DYNC2H1: variants seen among roughly 807,000 people sequenced by gnomAD.
DYNC2H1 encodes the protein cytoplasmic dynein 2 heavy chain 1.
A neutral mutation model predicts 570.0 loss-of-function variants in DYNC2H1; 410 were observed. That is an observed-to-expected ratio of 0.72 (90% CI 0.66 to 0.78). DYNC2H1 has a LOEUF of 0.78. Ranked by LOEUF, DYNC2H1 falls within the 30% of genes least tolerant of loss-of-function variation. The pLI is 0.00. For synonymous variants in DYNC2H1, 1,688 were observed against 1,677.6 expected (o/e 1.01, Z -0.15); for missense variants, 4,865 against 5,046.4 (o/e 0.96, Z 1.09).
rs1865430127 is a variant in DYNC2H1, at chr11:103,264,396, C to G, written c.10695+4419C>G. Among the ~76,000 whole-genome samples the G allele has an allele frequency of 6.6e-6, 1 of 152,030 alleles. No individual in the cohort carries two copies. Among genetic ancestry groups the G allele is most frequent in the Non-Finnish European group, 1.5e-5 (1 of 67,990 alleles). ...ATGATACCACAACGTGGCAGAAACA[C>G]AACAAAAAAAGAAAATTTCAGGCCA... On this transcript the variant is annotated intron_variant, in intron 70 of 88. Transcript: ENST00000375735. The surrounding 1 kb of genome is among the most constrained non-coding windows in gnomAD (Gnocchi z 4.8).
In DYNC2H1 at chr11:103,221,963, A is replaced by G. The variant is rs1220749996; in HGVS notation, c.9108-67A>G. Reference sequence around the variant, plus strand: ...AGTATTGCATACACCATTTTGTTAAACTGATTTTTTTTCAGAAACAGCAAA... The same window carrying G: ...AGTATTGCATACACCATTTTGTTAAGCTGATTTTTTTTCAGAAACAGCAAA... On this transcript the variant is annotated intron_variant, in intron 57 of 88. Coordinates refer to ENST00000375735, the MANE Select transcript of DYNC2H1 (RefSeq NM_001377.3). 1.9e-6 allele frequency: 3 copies of G among 1,557,212 alleles called. No individual in the cohort carries two copies. In the African/African-American group the frequency reaches 4.1e-5, roughly 21 times the overall value.
At chr11:103,130,186 C>A (rs1269106397) in intron 13 of DYNC2H1, among the ~76,000 whole-genome samples, 3 of 152,124 alleles carry the variant, frequency 2.0e-5, no homozygotes, top group Non-Finnish European at 2.9e-5. Context: ...GGGATGGCCA[C>A]GTAGACACTT....
rs1861603381 is a variant in DYNC2H1 at position 103,172,212 on chromosome 11, T to C, written c.5335-870T>C. ...AGTGAGAATTACCTGCCTTCAAGAT[T>C]TAGTTTCTTCTACATTCACTTTTTT... On this transcript the variant is annotated intron_variant, in intron 34 of 88. Transcript: ENST00000375735. Among the ~76,000 whole-genome samples the C allele has an allele frequency of 2.0e-5, 3 of 152,112 alleles. No homozygotes were observed. The South Asian group carries it at 6.2e-4, about 32-fold the overall frequency.
intron 18 of DYNC2H1, among the ~76,000 whole-genome samples, chr11:103,146,967 G>A (rs1418289188): frequency 2.0e-5 from 3 of 152,070 alleles, no homozygotes; most frequent in African/African-American, 7.2e-5. Flanking sequence ...CATCAAAAAT[G>A]TGATTTTTAA....
chr11:103,251,460 A>G (rs1284627185), intron 65 of DYNC2H1, among the ~76,000 whole-genome samples: 1 of 152,158 alleles, frequency 6.6e-6, no homozygotes, highest in South Asian at 2.1e-4. Context: ...TATGAGATAC[A>G]TATATATCAT....
chr11:103,175,581 G>A (rs367820271), intron 36 of DYNC2H1, among the ~76,000 whole-genome samples: 1 of 152,042 alleles, frequency 6.6e-6, no homozygotes, highest in Admixed American at 6.6e-5. Flanking sequence ...CCAATCAGCA[G>A]CTAATATCTG....
chr11:103,141,803 C>T lies in DYNC2H1; in HGVS notation c.2575-1465C>T, dbSNP rs574229606. 3.3e-4 allele frequency among the ~76,000 whole-genome samples: 50 copies of T among 152,324 alleles called. No homozygotes were observed. The South Asian group carries it at 8.5e-3, about 26-fold the overall frequency. On this transcript the variant is annotated intron_variant, in intron 17 of 88. Transcript: ENST00000375735. ...TGTCTTTTTGTTGTCTGTGCCCTGC[C>T]CCCAGAGGTGGAGCCTACAGAGGCA...
intron 70 of DYNC2H1, among the ~76,000 whole-genome samples, chr11:103,263,923 G>T (rs1052687837): frequency 6.6e-6 from 1 of 151,948 alleles, no homozygotes; most frequent in Non-Finnish European, 1.5e-5. Context: ...TCCAGGAGCT[G>T]GTTTTATGAA....
intron 75 of DYNC2H1, among the ~76,000 whole-genome samples, chr11:103,291,373 G>A (rs1188189569): frequency 1.3e-5 from 2 of 152,096 alleles, no homozygotes; most frequent in African/African-American, 4.8e-5. Flanking sequence ...CAAGGCGAAG[G>A]GTTGCTGTGA....
intron 83 of DYNC2H1, among the ~76,000 whole-genome samples, chr11:103,389,967 T>C (rs975554121): frequency 6.6e-6 from 1 of 152,234 alleles, no homozygotes; most frequent in Admixed American, 6.5e-5. Flanking sequence ...GAAGAATGTA[T>C]ATTCTGTTGA....
chr11:103,373,226 T>C (rs1450561598), intron 83 of DYNC2H1, among the ~76,000 whole-genome samples: 2 of 152,138 alleles, frequency 1.3e-5, no homozygotes, highest in Non-Finnish European at 2.9e-5. Flanking sequence ...TGAGTGACCA[T>C]GCCTGACCCC....
At position 103,439,826 on chromosome 11, in the gene DYNC2H1, C is replaced by T. The variant is rs1272710412; in HGVS notation, c.12456+3794C>T. ...GGAATTAACAAATGAATGGACTGGA[C>T]AGATTACTCTCTTTGGGGAACTTAG... is the stretch of plus-strand genomic sequence containing the variant. On this transcript the variant is annotated intron_variant, in intron 85 of 88. Transcript: ENST00000375735. This position sits in a 1 kb window ranked among gnomAD's most constrained non-coding sequence, Gnocchi z 4.1. Among the ~76,000 whole-genome samples, 2 of 152,128 alleles carry T rather than the reference C, an allele frequency of 1.3e-5. No homozygotes were observed. The highest frequency in any genetic ancestry group is 2.4e-5 in the African/African-American group (1 of 41,414).
At chr11:103,311,806 A>C in intron 78 of DYNC2H1, 72 bp from the exon 79 acceptor site, 1 of 1,437,498 alleles carries the variant, frequency 7.0e-7, no homozygotes, top group Admixed American at 2.8e-5. Flanking sequence ...TTATGTTCTT[A>C]AATATGTTAA....
chr11:103,244,742 ATATAC>A lies in DYNC2H1; in HGVS notation c.9919-504_9919-500del, dbSNP rs1864544440. 6.7e-6 allele frequency among the ~76,000 whole-genome samples: 1 copy of A among 148,290 alleles called. No homozygotes were observed. Among genetic ancestry groups the A allele is most frequent in the Admixed American group, 6.8e-5 (1 of 14,740 alleles). On this transcript the variant is annotated intron_variant, in intron 64 of 88. Transcript: ENST00000375735. This position sits in a 1 kb window ranked among gnomAD's most constrained non-coding sequence, Gnocchi z 4.3. ...ATCTTATATACATATAAGTATATAA[ATATAC>A]TATATATATCTATAGTTACAGTTAT... is the stretch of plus-strand genomic sequence containing the variant.
intron 84 of DYNC2H1, chr11:103,403,257 T>C (rs1285431761): frequency 6.6e-6 from 1 of 152,096 alleles, no homozygotes; most frequent in African/African-American, 2.4e-5. Flanking sequence ...TAAATTTTCA[T>C]TCATTTTAAT....
intron 70 of DYNC2H1, 91 bp downstream of exon 70, chr11:103,260,068 TG>T: frequency 1.4e-6 from 1 of 701,104 alleles, no homozygotes; most frequent in Non-Finnish European, 2.2e-6. Flanking sequence ...CTTTCCCTAC[TG>T]GAAAGGTATT....
chr11:103,282,945 T>C, intron 72 of DYNC2H1, 63 bp from the exon 73 acceptor site: 3 of 1,172,776 alleles, frequency 2.6e-6, no homozygotes, highest in Non-Finnish European at 3.7e-6. Context: ...GCTAATCAAT[T>C]GCTATTTTTT....
At chr11:103,113,923 A>G (rs996995565) in intron 2 of DYNC2H1, among the ~76,000 whole-genome samples, 180 bp from the exon 3 acceptor site, 2 of 152,240 alleles carry the variant, frequency 1.3e-5, no homozygotes, top group African/African-American at 4.8e-5. Context: ...CATCAACTCA[A>G]CATTTCTACA....
intron 85 of DYNC2H1, among the ~76,000 whole-genome samples, chr11:103,451,690 C>T (rs2135795602): frequency 6.6e-6 from 1 of 152,112 alleles, no homozygotes; most frequent in South Asian, 2.1e-4. Flanking sequence ...TCACAGTGTA[C>T]CAGTATATAC....
Sources: allele counts gnomAD v4.1 joint callset (sites outside exome capture counted in the v4.1 genomes callset), GRCh38; gene constraint gnomAD v4.1.1; non-coding constraint Gnocchi (gnomAD v3.1); transcripts MANE v1.5; gene names NCBI Gene and HGNC (gene_info 2026-07-23, HGNC 2026-07-21).